ASXL2: variants seen among roughly 807,000 people sequenced by gnomAD.
The protein encoded by ASXL2 is putative Polycomb group protein ASXL2.
Under a neutral mutation model 122.0 loss-of-function variants are expected in ASXL2, and 23 were observed. That is an observed-to-expected ratio of 0.19 (90% CI 0.14 to 0.27). The LOEUF (loss-of-function observed/expected upper bound fraction) is 0.27. Ranked by LOEUF, ASXL2 falls within the 10% of genes least tolerant of loss-of-function variation. The probability of loss-of-function intolerance (pLI) is 1.00; values close to 1 mark genes in which losing one functional copy is unlikely to be tolerated. For synonymous variants in ASXL2, 650 were observed against 637.0 expected, an observed-to-expected ratio of 1.02 and a Z score of -0.31; for missense variants, 1,518 against 1,713.8, an observed-to-expected ratio of 0.89 and a Z score of 2.02.
intron 2 of ASXL2, among the ~76,000 whole-genome samples, chr2:25,842,808 A>G (rs537330082): frequency 1.3e-5 from 2 of 148,898 alleles, no homozygotes; most frequent in Admixed American, 6.7e-5. Flanking sequence ...ATATATATAT[A>G]TATGTTTTTT....
chr2:25,749,893 G>C lies in ASXL2; in HGVS notation c.1663C>G (p.Leu555Val), dbSNP rs199895685. 64 of 1,611,946 alleles carry C rather than the reference G, an allele frequency of 4.0e-5. No individual in the cohort carries two copies. Among genetic ancestry groups the C allele is most frequent in the Non-Finnish European group, 5.1e-5 (60 of 1,179,352 alleles). ...GGGCTCTGATCAACAAGAGTTGCTA[G>C]AGGTTCTTTCATATTAGTCTCCTGT... Reference protein sequence around the residue: ...GPQETNMKEPLATLVDQSPES... With the variant: ...GPQETNMKEPVATLVDQSPES... The change falls in exon 12 of 13, where the codon CTA becomes GTA. Residue 555 changes from leucine (L) to valine (V), a missense_variant. Transcript: ENST00000435504.
chr2:25,786,445 T>A (rs1256673050), intron 5 of ASXL2, among the ~76,000 whole-genome samples: 1 of 151,928 alleles, frequency 6.6e-6, no homozygotes, highest in Non-Finnish European at 1.5e-5. Context: ...TTCACCGTGT[T>A]AGCCAGGATG....
At chr2:25,862,556 A>G (rs2089852036) in intron 1 of ASXL2, among the ~76,000 whole-genome samples, 1 of 152,190 alleles carries the variant, frequency 6.6e-6, no homozygotes, top group Non-Finnish European at 1.5e-5. Flanking sequence ...TTGTGTGCAT[A>G]CTACACAACA....
At chr2:25,832,254 G>C (rs115065534) in intron 3 of ASXL2, among the ~76,000 whole-genome samples, 6 of 152,226 alleles carry the variant, frequency 3.9e-5, no homozygotes, top group Admixed American at 1.3e-4. Flanking sequence ...ATGGAAGTAC[G>C]GTTTCCACAC....
At chr2:25,816,922 C>T (rs1424407303) in intron 3 of ASXL2, among the ~76,000 whole-genome samples, 2 of 152,154 alleles carry the variant, frequency 1.3e-5, no homozygotes, top group African/African-American at 2.4e-5. Context: ...GTCTGATGTT[C>T]GAGGCCAGCC....
At chr2:25,872,109 A>T (rs2089966079) in intron 1 of ASXL2, among the ~76,000 whole-genome samples, 1 of 152,224 alleles carries the variant, frequency 6.6e-6, no homozygotes, top group South Asian at 2.1e-4. Flanking sequence ...ATAAATTAAA[A>T]ATTAGCAGGG....
intron 8 of ASXL2, among the ~76,000 whole-genome samples, chr2:25,766,797 G>T (rs756726801): frequency 6.6e-6 from 1 of 152,148 alleles, no homozygotes; most frequent in Non-Finnish European, 1.5e-5. Context: ...TGATATCCCT[G>T]AATGTGGAGT....
intron 4 of ASXL2, among the ~76,000 whole-genome samples, chr2:25,805,482 C>A (rs1472858388): frequency 6.6e-6 from 1 of 151,574 alleles, no homozygotes; most frequent in Non-Finnish European, 1.5e-5. Context: ...TCTTTTTGTA[C>A]TTATCTAACA....
intron 2 of ASXL2, among the ~76,000 whole-genome samples, chr2:25,844,681 T>C (rs2089629663): frequency 6.6e-6 from 1 of 151,674 alleles, no homozygotes; most frequent in Non-Finnish European, 1.5e-5. Context: ...AGCTTCTTGC[T>C]CTGTCACCAA....
In ASXL2 at chr2:25,878,153, C is replaced by G; in HGVS notation, c.57+13G>C. ...AATCCTCCCGGCCTTCCCCTTCGCT[C>G]CCTCCCCCTTACCGTCTTGGCGGCC... On this transcript the variant is annotated intron_variant, in intron 1 of 12. Transcript: ENST00000435504. The G allele has an allele frequency of 6.2e-7, 1 of 1,613,900 alleles. No homozygotes were observed. Among genetic ancestry groups the G allele is most frequent in the Non-Finnish European group, 8.5e-7 (1 of 1,179,856 alleles).
intron 5 of ASXL2, among the ~76,000 whole-genome samples, chr2:25,794,353 C>T (rs1461964187): frequency 2.0e-5 from 3 of 152,186 alleles, no homozygotes; most frequent in African/African-American, 7.2e-5. Context: ...ACAGTTGCTT[C>T]ATAATGCAAT....
At chr2:25,804,741 C>T (rs892424109) in intron 4 of ASXL2, among the ~76,000 whole-genome samples, 1 of 152,130 alleles carries the variant, frequency 6.6e-6, no homozygotes, top group Non-Finnish European at 1.5e-5. Context: ...CTTCTCAGTG[C>T]AGGAATTTGA....
At chr2:25,786,062 G>T (rs924623539) in intron 5 of ASXL2, among the ~76,000 whole-genome samples, 1 of 152,102 alleles carries the variant, frequency 6.6e-6, no homozygotes, top group Non-Finnish European at 1.5e-5. Flanking sequence ...CACAAGGTTG[G>T]TTTAACATTT....
intron 2 of ASXL2, among the ~76,000 whole-genome samples, chr2:25,842,788 GTGTGTATATA>G (rs1385079124): frequency 1.2e-4 from 16 of 131,946 alleles, no homozygotes; most frequent in South Asian, 2.3e-4. Context: ...GTGTGTGTGT[GTGTGTATATA>G]TATATATATA....
At chr2:25,774,406 A>C (rs1360787414) in intron 5 of ASXL2, among the ~76,000 whole-genome samples, 1 of 152,196 alleles carries the variant, frequency 6.6e-6, no homozygotes, top group Non-Finnish European at 1.5e-5. Context: ...CACAATCTTC[A>C]AGGATGAGCA....
intron 1 of ASXL2, among the ~76,000 whole-genome samples, chr2:25,868,255 C>G (rs894479794): frequency 2.0e-5 from 3 of 152,202 alleles, no homozygotes; most frequent in Non-Finnish European, 4.4e-5. Context: ...TTCAATATGG[C>G]TAAGCCAGCT....
intron 8 of ASXL2, among the ~76,000 whole-genome samples, chr2:25,764,738 ATATAAT>A (rs2088314767): frequency 1.3e-5 from 2 of 152,324 alleles, no homozygotes; most frequent in African/African-American, 2.4e-5. Flanking sequence ...TGCTTTTCCC[ATATAAT>A]TAATGGAATT....
intron 2 of ASXL2, 37 bp from the exon 3 acceptor site, chr2:25,835,577 GA>G (rs752532933): frequency 3.3e-4 from 82 of 248,394 alleles, no homozygotes; most frequent in South Asian, 5.5e-4. Context: ...ATGAAAGAAG[GA>G]AAAAAAAAGC....
chr2:25,807,761 A>T (rs1214343837), intron 3 of ASXL2, among the ~76,000 whole-genome samples: 1 of 152,190 alleles, frequency 6.6e-6, no homozygotes, highest in Non-Finnish European at 1.5e-5. Context: ...GCAGAAACAG[A>T]TAATAATTTA....
Sources: allele counts gnomAD v4.1 joint callset (sites outside exome capture counted in the v4.1 genomes callset), GRCh38; gene constraint gnomAD v4.1.1; transcripts MANE v1.5; gene names NCBI Gene and HGNC (gene_info 2026-07-23, HGNC 2026-07-21).